Variants in YTHDC2 observed in about 807,000 individuals in gnomAD.
The protein encoded by YTHDC2 is 3'-5' RNA helicase YTHDC2.
A neutral mutation model predicts 174.9 loss-of-function variants in YTHDC2; 45 were observed. The observed-to-expected ratio is 0.26, with a 90% CI of 0.20 to 0.33. The LOEUF (loss-of-function observed/expected upper bound fraction) is 0.33, where lower values mean the gene tolerates loss of function less well. YTHDC2 is among the 10% of genes least tolerant of loss of function. YTHDC2 has a pLI of 1.00. For missense variants in YTHDC2, 1,650 were observed against 1,723.7 expected, an observed-to-expected ratio of 0.96 and a Z score of 0.76; for synonymous variants, 657 against 574.5, an observed-to-expected ratio of 1.14 and a Z score of -2.05.
intron 23 of YTHDC2, among the ~76,000 whole-genome samples, chr5:113,571,536 A>G (rs369575121): frequency 6.6e-6 from 1 of 152,196 alleles, no homozygotes; most frequent in Non-Finnish European, 1.5e-5. Flanking sequence ...TGTTTGGAAT[A>G]GTTTCAAAAG....
intron 2 of YTHDC2, among the ~76,000 whole-genome samples, chr5:113,523,427 A>T (rs1774006533): frequency 6.6e-6 from 1 of 152,118 alleles, no homozygotes; most frequent in Non-Finnish European, 1.5e-5. Flanking sequence ...TGAAATGAAC[A>T]TCACAGAAGG....
At chr5:113,563,665 TTAAA>T (rs1303217719) in intron 19 of YTHDC2, among the ~76,000 whole-genome samples, 173 bp downstream of exon 19, 4 of 152,220 alleles carry the variant, frequency 2.6e-5, no homozygotes, top group Admixed American at 6.5e-5. Flanking sequence ...ATCATGTACT[TTAAA>T]TAATATTGTC....
rs771721041 is a variant in YTHDC2, at chr5:113,534,380, G to A, written c.918G>A (p.Thr306=). The A allele has an allele frequency of 1.6e-5, 25 of 1,611,570 alleles. No individual in the cohort carries two copies. The highest frequency in any genetic ancestry group is 6.7e-5 in the African/African-American group (5 of 74,844). The change falls in exon 6 of 30, where the codon ACG becomes ACA. Residue 306 remains threonine (T), a synonymous_variant. Coordinates refer to ENST00000161863, the MANE Select transcript of YTHDC2 (RefSeq NM_022828.5). ...GTACATTGATGGCAGGAGATAGTAC[G>A]TTGTCGACTGTGACACATGTTATCG... ...LLRTLMAGDS[T]LSTVTHVIVD... is the part of the protein sequence containing the mutation.
At chr5:113,557,753 T>A (rs2112691278) in intron 17 of YTHDC2, among the ~76,000 whole-genome samples, 1 of 152,212 alleles carries the variant, frequency 6.6e-6, no homozygotes, top group Middle Eastern at 3.4e-3. Flanking sequence ...TGAGCTGTGA[T>A]CATACCACTC....
chr5:113,569,776 G>A (rs554997747), intron 23 of YTHDC2, among the ~76,000 whole-genome samples: 127 of 152,216 alleles, frequency 8.3e-4, no homozygotes, highest in African/African-American at 2.8e-3. Flanking sequence ...GTCGGGTAGC[G>A]TGATGCCTCA....
chr5:113,556,668 A>G (rs565810041), intron 17 of YTHDC2, among the ~76,000 whole-genome samples: 1 of 152,336 alleles, frequency 6.6e-6, no homozygotes, highest in South Asian at 2.1e-4. Context: ...GAGGAAAAAC[A>G]TGGGCCAATA....
intron 26 of YTHDC2, among the ~76,000 whole-genome samples, chr5:113,589,163 C>G (rs1365243447): frequency 6.6e-6 from 1 of 151,566 alleles, no homozygotes; most frequent in Non-Finnish European, 1.5e-5. Context: ...GAAGAACCTC[C>G]TTTCTGGGAC....
chr5:113,543,898 C>A (rs555169016), intron 10 of YTHDC2, among the ~76,000 whole-genome samples: 4 of 152,332 alleles, frequency 2.6e-5, no homozygotes, highest in Admixed American at 2.6e-4. Context: ...TCTCTGCTTA[C>A]ACATTGCCTT....
Position 113,553,771 on chromosome 5 carries a change from C to G in YTHDC2, c.1969C>G (p.Gln657Glu). 6.2e-7 allele frequency: 1 copy of G among 1,612,352 alleles called. No homozygotes were observed. The highest frequency in any genetic ancestry group is 8.5e-7 in the Non-Finnish European group (1 of 1,179,296). Residue 657 changes from glutamine to glutamate, a missense_variant, in exon 15 of 30, where the codon CAA (glutamine) becomes GAA (glutamate). Physicochemically the swap from Gln to Glu is conservative, Grantham distance 29. This residue lies in a region of YTHDC2 where 913 missense variants were observed against 940.4 expected (regional missense o/e 0.97). Coordinates refer to ENST00000161863, the MANE Select transcript of YTHDC2 (RefSeq NM_022828.5). ...KRFADSTHRY[Q>E]VFMLHSNMQT... ...TTCTCTTTCAATTGTCTGCAGATACCAAGTCTTTATGCTTCATTCAAATAT... is the reference window on the plus strand; with the variant it reads ...TTCTCTTTCAATTGTCTGCAGATACGAAGTCTTTATGCTTCATTCAAATAT...
intron 2 of YTHDC2, among the ~76,000 whole-genome samples, chr5:113,519,843 G>C (rs1773741615): frequency 2.6e-5 from 4 of 152,134 alleles, no homozygotes; most frequent in African/African-American, 9.7e-5. Flanking sequence ...ATGCCATTCA[G>C]AGGTAATTTA....
At chr5:113,559,997 T>A (rs1296075338) in intron 17 of YTHDC2, among the ~76,000 whole-genome samples, 1 of 152,214 alleles carries the variant, frequency 6.6e-6, no homozygotes, top group Non-Finnish European at 1.5e-5. Context: ...ATTATGACAG[T>A]GTTTTGAGAA....
intron 22 of YTHDC2, 122 bp downstream of exon 22, chr5:113,567,419 T>G: frequency 2.7e-6 from 1 of 365,648 alleles, no homozygotes; most frequent in Non-Finnish European, 4.2e-6. Flanking sequence ...TATATATATA[T>G]ATATATATCA....
intron 23 of YTHDC2, among the ~76,000 whole-genome samples, 185 bp from the exon 24 acceptor site, chr5:113,579,401 C>T (rs1372344156): frequency 6.6e-6 from 1 of 151,826 alleles, no homozygotes; most frequent in Non-Finnish European, 1.5e-5. Context: ...TCAAATGGTC[C>T]CTTTTTTTTC....
chr5:113,536,532 AT>A (rs1271502435), intron 7 of YTHDC2, among the ~76,000 whole-genome samples: 1 of 152,222 alleles, frequency 6.6e-6, no homozygotes, highest in Admixed American at 6.5e-5. Context: ...CTCAAAAAAA[AT>A]AAATAAATAA....
chr5:113,579,866 T>C lies in YTHDC2; in HGVS notation c.3354+171T>C, dbSNP rs954821004. The C allele has an allele frequency of 8.1e-6, 8 of 985,312 alleles. No homozygotes were observed. The African/African-American group carries it at 1.4e-4, about 17-fold the overall frequency. The allele number at this position is 985,312 out of a possible 1,614,324, so 61.0% of individuals were successfully genotyped here. On this transcript the variant is annotated intron_variant, in intron 24 of 29. Transcript: ENST00000161863. Reference sequence around the variant, plus strand: ...TCATTCTCTTCTGTATTGGGGTTTATTCCAACAGAGGACTTGGAAAACCTA... The same window carrying C: ...TCATTCTCTTCTGTATTGGGGTTTACTCCAACAGAGGACTTGGAAAACCTA...
rs776006722 is a variant in YTHDC2 at position 113,584,380 on chromosome 5, A to T, written c.3726A>T (p.Arg1242=). The T allele has an allele frequency of 6.2e-7, 1 of 1,613,906 alleles. No homozygotes were observed. The highest frequency in any genetic ancestry group is 1.7e-5 in the Admixed American group (1 of 60,012). The part of the protein sequence containing the change: ...YKDRGILHPK[R]GTEDRSDQSS... ...ATAGAGGAATTTTACATCCTAAACG[A>T]GGTACTGAGGACCGATCAGATCAGT... is the stretch of plus-strand genomic sequence containing the variant. The change falls in exon 26 of 30, where the codon CGA becomes CGT. Residue 1242 remains arginine, a synonymous_variant. Coordinates refer to ENST00000161863, the MANE Select transcript of YTHDC2 (RefSeq NM_022828.5).
chr5:113,563,641 A>T, intron 19 of YTHDC2, 149 bp downstream of exon 19: 1 of 1,038,388 alleles, frequency 9.6e-7, no homozygotes. Flanking sequence ...ACTTTTAAAC[A>T]ATTATCTTAA....
intron 26 of YTHDC2, among the ~76,000 whole-genome samples, chr5:113,587,572 AT>A (rs901755073): frequency 4.9e-5 from 7 of 143,520 alleles, no homozygotes; most frequent in Non-Finnish European, 9.0e-5. Context: ...TATATAGTAT[AT>A]TTATATATTA....
At chr5:113,531,224 G>A (rs867836246) in intron 4 of YTHDC2, among the ~76,000 whole-genome samples, 23 of 152,080 alleles carry the variant, frequency 1.5e-4, no homozygotes, top group African/African-American at 5.3e-4. Flanking sequence ...GTTCTGACCC[G>A]CAGATCCTGA....
Sources: gnomAD v4.1 joint callset for allele counts (sites outside exome capture counted in the v4.1 genomes callset) on GRCh38, gnomAD v4.1.1 for gene constraint, gnomAD v4.1.1 regional missense constraint, MANE v1.5 for transcripts, NCBI Gene and HGNC (gene_info 2026-07-23, HGNC 2026-07-21) for gene names.